The following GPHB5 variants were observed in gnomAD, a reference collection of about 807,000 sequenced individuals.
The protein encoded by GPHB5 is glycoprotein hormone beta-5.
GPHB5 carries 7 observed loss-of-function variants against 10.1 expected under a neutral mutation model. That is an observed-to-expected ratio of 0.69 (90% CI 0.39 to 1.30). The LOEUF (loss-of-function observed/expected upper bound fraction) is 1.30. GPHB5 is among the 50% of genes most tolerant of loss of function. The probability of loss-of-function intolerance (pLI) is 0.01; values close to 1 mark genes in which losing one functional copy is unlikely to be tolerated. For synonymous variants in GPHB5, 68 were observed against 70.1 expected, an observed-to-expected ratio of 0.97 and a Z score of 0.15; for missense variants, 161 against 169.8, an observed-to-expected ratio of 0.95 and a Z score of 0.29.
chr14:63,313,673 A>T (rs1278234695), intron 2 of GPHB5, among the ~76,000 whole-genome samples: 1 of 152,178 alleles, frequency 6.6e-6, no homozygotes, highest in Non-Finnish European at 1.5e-5. Context: ...ACCCACCAGG[A>T]ACAGCCCCAG....
intron 2 of GPHB5, among the ~76,000 whole-genome samples, chr14:63,315,045 G>A (rs540123742): frequency 2.0e-5 from 3 of 151,852 alleles, no homozygotes; most frequent in African/African-American, 7.2e-5. Context: ...TGGGACTACA[G>A]GTGCATACCA....
intron 2 of GPHB5, among the ~76,000 whole-genome samples, chr14:63,313,424 C>G (rs989177487): frequency 6.6e-6 from 1 of 152,202 alleles, no homozygotes; most frequent in African/African-American, 2.4e-5. Flanking sequence ...TCCCTACAAT[C>G]TATTTGCAAC....
intron 2 of GPHB5, among the ~76,000 whole-genome samples, chr14:63,317,080 T>C (rs1446203222): frequency 6.6e-6 from 1 of 152,206 alleles, no homozygotes; most frequent in Non-Finnish European, 1.5e-5. Context: ...AGGAACTTAA[T>C]GGATCCGTCA....
chr14:63,313,945 A>G (rs1441690237), intron 2 of GPHB5, among the ~76,000 whole-genome samples: 1 of 152,132 alleles, frequency 6.6e-6, no homozygotes, highest in Non-Finnish European at 1.5e-5. Context: ...CTCCCACTCT[A>G]GAAAGTAAGC....
chr14:63,312,921 A>G lies in GPHB5; in HGVS notation c.*7T>C. On this transcript the variant is annotated 3_prime_UTR_variant, in exon 3 of 3. Coordinates refer to ENST00000621500, the MANE Select transcript of GPHB5 (RefSeq NM_145171.4). ...ACAGGTGGGTCTGCAGAGAGCAGCT[A>G]GCGGCCTCAGATGGTCTCACACTCC... 1 of 1,551,168 alleles carries G rather than the reference A, an allele frequency of 6.4e-7. No individual in the cohort carries two copies. The highest frequency in any genetic ancestry group is 8.7e-7 in the Non-Finnish European group (1 of 1,146,702).
rs746417437 is a variant in GPHB5 at position 63,317,805 on chromosome 14, AAGG to A, written c.42_44del (p.Leu16del). On this transcript the variant is annotated inframe_deletion, in exon 2 of 3. Coordinates refer to ENST00000621500, the MANE Select transcript of GPHB5 (RefSeq NM_145171.4). ...CGAGGACACAGCCATAGCCAGCCAG[AAGG>A]AGGAGGGCCATGGGGCCAAGGAAGA... 2.5e-6 allele frequency: 4 copies of A among 1,614,072 alleles called. No individual in the cohort carries two copies. The Admixed American group carries it at 5.0e-5, about 20-fold the overall frequency.
chr14:63,314,898 C>CTT (rs1272005861), intron 2 of GPHB5, among the ~76,000 whole-genome samples: 1 of 70,026 alleles, frequency 1.4e-5, no homozygotes. Flanking sequence ...TTTTTTTTTT[C>CTT]TTTTTTCTTT....
At chr14:63,317,153 A>G (rs916023776) in intron 2 of GPHB5, among the ~76,000 whole-genome samples, 4 of 152,164 alleles carry the variant, frequency 2.6e-5, no homozygotes, top group Admixed American at 2.6e-4. Flanking sequence ...GAGGCAGTGA[A>G]GGGGTCTCAC....
intron 2 of GPHB5, among the ~76,000 whole-genome samples, chr14:63,315,015 G>C (rs941740899): frequency 6.7e-6 from 1 of 149,050 alleles, no homozygotes; most frequent in Admixed American, 6.9e-5. Flanking sequence ...CAAGTCTTCT[G>C]CCTCAGCCTC....
At chr14:63,313,440 G>GATT (rs1882709269) in intron 2 of GPHB5, among the ~76,000 whole-genome samples, 1 of 152,058 alleles carries the variant, frequency 6.6e-6, no homozygotes, top group Non-Finnish European at 1.5e-5. Flanking sequence ...GCAACACAGC[G>GATT]GCCCTGAGTG....
At chr14:63,314,521 C>T (rs1028606470) in intron 2 of GPHB5, among the ~76,000 whole-genome samples, 5 of 144,496 alleles carry the variant, frequency 3.5e-5, no homozygotes, top group African/African-American at 1.1e-4. Context: ...CCCGGGTTCA[C>T]GCCATTCTCC....
chr14:63,314,618 T>C (rs2139683293), intron 2 of GPHB5, among the ~76,000 whole-genome samples: 1 of 152,116 alleles, frequency 6.6e-6, no homozygotes, highest in East Asian at 1.9e-4. Flanking sequence ...TTCACCATGT[T>C]AGCCAGGATG....
rs148723415 is a variant in GPHB5, at chr14:63,313,966, CAG to C, written c.205-852_205-851del. Among the ~76,000 whole-genome samples the C allele has an allele frequency of 3.0e-3, 451 of 152,278 alleles. 1 individual carries two copies. Among genetic ancestry groups the C allele is most frequent in the African/African-American group, 0.01 (436 of 41,552 alleles). On this transcript the variant is annotated intron_variant, in intron 2 of 2. Transcript: ENST00000621500. ...CTCTAGAAAGTAAGCTCTTTTAGGA[CAG>C]AGATTTTTGCCCACTGTGCCTCAAG...
At position 63,317,703 on chromosome 14, in the gene GPHB5, G is replaced by A. The variant is rs370652768; in HGVS notation, c.147C>T (p.Gly49=). ...REFTFLAKKP[G]CRGLRITTDA... ...CCGTGGTGATCCGAAGGCCCCTGCAGCCTGGCTTCTTGGCCAGGAAAGTAA... is the reference window on the plus strand; with the variant it reads ...CCGTGGTGATCCGAAGGCCCCTGCAACCTGGCTTCTTGGCCAGGAAAGTAA... Residue 49 remains glycine (G), a synonymous_variant, in exon 2 of 3, where the codon GGC becomes GGT. Coordinates refer to ENST00000621500, the MANE Select transcript of GPHB5 (RefSeq NM_145171.4). 1 of 1,614,036 alleles carries A rather than the reference G, an allele frequency of 6.2e-7. No individual in the cohort carries two copies. The highest frequency in any genetic ancestry group is 1.1e-5 in the South Asian group (1 of 91,086).
At chr14:63,317,549 A>T (rs1337166942) in intron 2 of GPHB5, 97 bp downstream of exon 2, 1 of 1,147,398 alleles carries the variant, frequency 8.7e-7, no homozygotes, top group Non-Finnish European at 1.2e-6. Context: ...CAGATGTCCC[A>T]GCTCTACCTC....
intron 2 of GPHB5, among the ~76,000 whole-genome samples, chr14:63,317,000 CTTTG>C (rs1178097837): frequency 6.6e-6 from 1 of 152,166 alleles, no homozygotes; most frequent in Admixed American, 6.5e-5. Flanking sequence ...AGGATTTTAA[CTTTG>C]TTTGAGAGTG....
At position 63,317,807 on chromosome 14, in the gene GPHB5, G is replaced by A. The variant is rs1296605149; in HGVS notation, c.43C>T (p.Leu15Phe). ...FLFLGPMALLLLAGYGCVLGA... is the reference protein window; with the variant it reads ...FLFLGPMALLFLAGYGCVLGA... Reference sequence around the variant, plus strand: ...AGGACACAGCCATAGCCAGCCAGAAGGAGGAGGGCCATGGGGCCAAGGAAG... The same window carrying A: ...AGGACACAGCCATAGCCAGCCAGAAAGAGGAGGGCCATGGGGCCAAGGAAG... Residue 15 changes from leucine to phenylalanine, a missense_variant, in exon 2 of 3, where the codon CTT becomes TTT. By Grantham distance (22) the Leu-to-Phe change is conservative. Transcript: ENST00000621500. The A allele has an allele frequency of 6.2e-7, 1 of 1,614,058 alleles. No individual in the cohort carries two copies. Among genetic ancestry groups the A allele is most frequent in the Non-Finnish European group, 8.5e-7 (1 of 1,179,902 alleles).
intron 2 of GPHB5, among the ~76,000 whole-genome samples, chr14:63,314,059 T>A (rs940268389): frequency 2.0e-5 from 3 of 152,174 alleles, no homozygotes; most frequent in African/African-American, 7.2e-5. Context: ...AAGAAAACAT[T>A]ACAAGACAGG....
intron 2 of GPHB5, among the ~76,000 whole-genome samples, chr14:63,316,816 G>A: frequency 6.6e-6 from 1 of 152,208 alleles, no homozygotes. Context: ...AGTAGTGTGT[G>A]GACATTCAAG....
Sources: gnomAD v4.1 joint callset for allele counts (sites outside exome capture counted in the v4.1 genomes callset) on GRCh38, gnomAD v4.1.1 for gene constraint, MANE v1.5 for transcripts, NCBI Gene and HGNC (gene_info 2026-07-23, HGNC 2026-07-21) for gene names.